TSPAN9: variants seen among roughly 807,000 people sequenced by gnomAD.
TSPAN9 encodes tetraspanin 9.
In TSPAN9, 16 loss-of-function variants were observed where a neutral mutation model predicts 31.0. The ratio of observed to expected loss-of-function variants is 0.52; its 90% CI spans 0.35 to 0.78. The LOEUF is 0.78. Ranked by LOEUF, TSPAN9 falls within the 30% of genes least tolerant of loss-of-function variation. TSPAN9 has a pLI of 0.01. For missense variants in TSPAN9, 272 were observed against 312.5 expected, an observed-to-expected ratio of 0.87 and a Z score of 0.98; for synonymous variants, 145 against 121.6, an observed-to-expected ratio of 1.19 and a Z score of -1.27.
intron 2 of TSPAN9, among the ~76,000 whole-genome samples, chr12:3,190,091 C>T (rs999316474): frequency 7.2e-5 from 11 of 152,232 alleles, no homozygotes; most frequent in African/African-American, 2.4e-5. Flanking sequence ...GCTGCTCACA[C>T]ACTGCCTTCT....
rs771891378 is a variant in TSPAN9, at chr12:3,281,955, T to A, written c.648+138T>A. The A allele has an allele frequency of 5.7e-5, 55 of 968,528 alleles. No homozygotes were observed. In the African/African-American group the frequency reaches 7.9e-4, roughly 14 times the overall value. The allele number at this position is 968,528 out of a possible 1,614,324, so 60.0% of individuals were successfully genotyped here. A position where few individuals can be genotyped will look rare whatever the true frequency, so the allele number is the denominator to read the frequency against. On this transcript the variant is annotated intron_variant, in intron 8 of 8. Coordinates refer to ENST00000011898, the MANE Select transcript of TSPAN9 (RefSeq NM_006675.5). ...ATCACAGCTATTCAAGCTTAGCAGC[T>A]GTGCCTGCCACCGTTTCCGCAGAGC...
intron 3 of TSPAN9, among the ~76,000 whole-genome samples, chr12:3,207,556 A>G (rs1047554544): frequency 1.3e-5 from 2 of 152,198 alleles, no homozygotes; most frequent in African/African-American, 4.8e-5. Context: ...TTAACCAGCC[A>G]TGGGACATCA....
At chr12:3,140,322 C>T (rs530635150) in intron 2 of TSPAN9, among the ~76,000 whole-genome samples, 10 of 152,104 alleles carry the variant, frequency 6.6e-5, no homozygotes, top group East Asian at 5.8e-4. Context: ...GATTTTTAGT[C>T]GACACTGAAG....
chr12:3,144,954 A>G (rs2098336481), intron 2 of TSPAN9, among the ~76,000 whole-genome samples: 1 of 152,250 alleles, frequency 6.6e-6, no homozygotes, highest in African/African-American at 2.4e-5. Flanking sequence ...TAATCTGATC[A>G]TCAAATTGTG....
intron 3 of TSPAN9, among the ~76,000 whole-genome samples, chr12:3,242,678 G>A (rs7953798): frequency 3.9e-5 from 6 of 152,208 alleles, no homozygotes; most frequent in African/African-American, 7.2e-5. Flanking sequence ...GTCACCGGGC[G>A]TGACTCAGGC....
At chr12:3,104,573 C>T (rs1040768544) in intron 2 of TSPAN9, among the ~76,000 whole-genome samples, 12 of 152,000 alleles carry the variant, frequency 7.9e-5, no homozygotes, top group Middle Eastern at 3.2e-3. Context: ...AGGTTGGTTT[C>T]GAACTCCTGG....
rs1305326811 is a variant in TSPAN9 at position 3,281,727 on chromosome 12, TC to T, written c.565-3del. ...GGGACCCTAACCTCGTGGGCCTCGCTCCCCAGGGCTGCTATGAAAAGGTGAA... is the reference window on the plus strand; with the variant it reads ...GGGACCCTAACCTCGTGGGCCTCGCTCCCAGGGCTGCTATGAAAAGGTGAA... On this transcript the variant is annotated splice_region_variant and splice_polypyrimidine_tract_variant and intron_variant, in intron 7 of 8. Coordinates refer to ENST00000011898, the MANE Select transcript of TSPAN9 (RefSeq NM_006675.5). 1 of 1,608,408 alleles carries T rather than the reference TC, an allele frequency of 6.2e-7. No individual in the cohort carries two copies. The highest frequency in any genetic ancestry group is 1.7e-5 in the Admixed American group (1 of 59,920).
At chr12:3,118,256 G>GTGTTTTTTTTTTTTTTTTTT in intron 2 of TSPAN9, among the ~76,000 whole-genome samples, 1 of 31,566 alleles carries the variant, frequency 3.2e-5, no homozygotes, top group African/African-American at 8.7e-5. Flanking sequence ...TGCACCCGCC[G>GTGTTTTTTTTTTTTTTTTTT]TTTTTTTTTT....
At chr12:3,267,004 CAT>C in intron 3 of TSPAN9, among the ~76,000 whole-genome samples, 1 of 152,308 alleles carries the variant, frequency 6.6e-6, no homozygotes, top group South Asian at 2.1e-4. Context: ...AGATCACCCT[CAT>C]TACATTATTG....
rs537898820 is a variant in TSPAN9 at position 3,130,059 on chromosome 12, T to A, written c.-18+46340T>A. Among the ~76,000 whole-genome samples the A allele has an allele frequency of 3.1e-4, 47 of 152,360 alleles. No homozygotes were observed. The South Asian group carries it at 8.3e-3, about 27-fold the overall frequency. Reference sequence around the variant, plus strand: ...ACAAACTTGGCAACTTGGGAAGGTCTCTGGGCGGCTGTACCGCCTCTTTGG... The same window carrying A: ...ACAAACTTGGCAACTTGGGAAGGTCACTGGGCGGCTGTACCGCCTCTTTGG... On this transcript the variant is annotated intron_variant, in intron 2 of 8. Coordinates refer to ENST00000011898, the MANE Select transcript of TSPAN9 (RefSeq NM_006675.5).
chr12:3,224,247 C>G (rs952122061), intron 3 of TSPAN9, among the ~76,000 whole-genome samples: 1 of 152,172 alleles, frequency 6.6e-6, no homozygotes, highest in African/African-American at 2.4e-5. Flanking sequence ...CATCTGGTTT[C>G]CCTTGGGACC....
chr12:3,226,794 A>ATTTTTTTTTTTTT (rs1203426057), intron 3 of TSPAN9, among the ~76,000 whole-genome samples: 4 of 16,402 alleles, frequency 2.4e-4, no homozygotes, highest in Admixed American at 1.3e-3. Context: ...ATATATATAT[A>ATTTTTTTTTTTTT]TTTTTTTTTT....
intron 2 of TSPAN9, among the ~76,000 whole-genome samples, chr12:3,109,961 C>T (rs2098317573): frequency 6.6e-6 from 1 of 151,990 alleles, no homozygotes; most frequent in African/African-American, 2.4e-5. Context: ...CTATGAGCAC[C>T]CCAGAACCCC....
chr12:3,109,184 C>T (rs1281554327), intron 2 of TSPAN9, among the ~76,000 whole-genome samples: 2 of 151,670 alleles, frequency 1.3e-5, no homozygotes, highest in Admixed American at 6.6e-5. Context: ...GATCCGCCCG[C>T]CTTGGCCTCC....
chr12:3,110,043 A>T (rs2098317613), intron 2 of TSPAN9, among the ~76,000 whole-genome samples: 1 of 152,112 alleles, frequency 6.6e-6, no homozygotes, highest in South Asian at 2.1e-4. Flanking sequence ...CTGCTTAAGA[A>T]TCAGTCCCAC....
intron 2 of TSPAN9, among the ~76,000 whole-genome samples, chr12:3,096,010 C>T (rs887323659): frequency 6.7e-5 from 10 of 148,548 alleles, no homozygotes; most frequent in Admixed American, 4.0e-4. Context: ...TCGGGCCCCG[C>T]GGGGCCTGTC....
rs965341820 is a variant in TSPAN9 at position 3,192,401 on chromosome 12, G to A, written c.-17-8776G>A. 6.6e-6 allele frequency among the ~76,000 whole-genome samples: 1 copy of A among 152,134 alleles called. No homozygotes were observed. Among genetic ancestry groups the A allele is most frequent in the East Asian group, 1.9e-4 (1 of 5,178 alleles). On this transcript the variant is annotated intron_variant, in intron 2 of 8. Transcript: ENST00000011898. This position sits in a 1 kb window ranked among gnomAD's most constrained non-coding sequence, Gnocchi z 4.6. The stretch of plus-strand genomic sequence containing the variant: ...CCATGAAGCAGGGCTGGACAAGGGC[G>A]GGGACGAGGAGGATGCCAGGTGCAG...
chr12:3,201,374 T>A lies in TSPAN9; in HGVS notation c.63+118T>A, dbSNP rs571403833. On this transcript the variant is annotated intron_variant, in intron 3 of 8. Transcript: ENST00000011898. ...GCTCTGCTCTCTGCACAGTGGTAAG[T>A]GTGCTTTTAAAAAAAAATTGCCCCC... The A allele has an allele frequency of 4.2e-5, 43 of 1,030,878 alleles. No individual in the cohort carries two copies. In the East Asian group the frequency reaches 9.8e-4, roughly 24 times the overall value. The allele number at this position is 1,030,878 out of a possible 1,614,324, so 63.9% of individuals were successfully genotyped here. A position where few individuals can be genotyped will look rare whatever the true frequency, so the allele number is the denominator to read the frequency against.
intron 2 of TSPAN9, among the ~76,000 whole-genome samples, chr12:3,163,565 C>T (rs933734713): frequency 1.1e-4 from 17 of 152,196 alleles, no homozygotes; most frequent in African/African-American, 3.9e-4. Flanking sequence ...GGTCACACAT[C>T]GTTGGTGCTG....
Sources: gnomAD v4.1 joint callset for allele counts (sites outside exome capture counted in the v4.1 genomes callset) on GRCh38, gnomAD v4.1.1 for gene constraint, Gnocchi (gnomAD v3.1) non-coding constraint, MANE v1.5 for transcripts, NCBI Gene and HGNC (gene_info 2026-07-23, HGNC 2026-07-21) for gene names.